CNTNAP4: variants seen among roughly 807,000 people sequenced by gnomAD.
CNTNAP4 encodes the protein contactin associated protein family member 4.
A neutral mutation model predicts 148.4 loss-of-function variants in CNTNAP4; 98 were observed. The ratio of observed to expected loss-of-function variants is 0.66; its 90% CI spans 0.56 to 0.78. The LOEUF is 0.78. CNTNAP4 is among the 30% of genes least tolerant of loss of function. The pLI, the probability that CNTNAP4 is intolerant of heterozygous loss-of-function variation, is 0.00. For missense variants in CNTNAP4, 1,935 were observed against 1,565.6 expected (o/e 1.24, Z -3.98); for synonymous variants, 730 against 565.1 (o/e 1.29, Z -4.14).
At chr16:76,541,751 A>G (rs939517079) in intron 21 of CNTNAP4, among the ~76,000 whole-genome samples, 8 of 152,236 alleles carry the variant, frequency 5.3e-5, no homozygotes, top group South Asian at 4.1e-4. Context: ...ATAAATATTT[A>G]CAGGCTTTCA....
intron 1 of CNTNAP4, among the ~76,000 whole-genome samples, chr16:76,296,200 T>A (rs900687710): frequency 4.6e-5 from 7 of 152,238 alleles, no homozygotes; most frequent in Non-Finnish European, 1.0e-4. Flanking sequence ...TGCATTTTAA[T>A]GAAATATTTT....
At chr16:76,528,320 G>A (rs932572565) in intron 17 of CNTNAP4, among the ~76,000 whole-genome samples, 1 of 152,116 alleles carries the variant, frequency 6.6e-6, no homozygotes, top group African/African-American at 2.4e-5. Flanking sequence ...GAGTACAGTG[G>A]TGTGGTGCAA....
At chr16:76,395,334 T>G (rs2078161667) in intron 3 of CNTNAP4, among the ~76,000 whole-genome samples, 2 of 152,024 alleles carry the variant, frequency 1.3e-5, no homozygotes, top group African/African-American at 4.8e-5. Context: ...GGCGCAATCT[T>G]GGCTCATTGC....
At chr16:76,379,381 A>T (rs572982304) in intron 3 of CNTNAP4, among the ~76,000 whole-genome samples, 55 of 152,308 alleles carry the variant, frequency 3.6e-4, no homozygotes, top group African/African-American at 1.3e-3. Context: ...CATTCTATTT[A>T]TAATTTTTCA....
chr16:76,554,087 C>G (rs1415221796), intron 23 of CNTNAP4, among the ~76,000 whole-genome samples, 180 bp downstream of exon 23: 2 of 152,196 alleles, frequency 1.3e-5, no homozygotes, highest in African/African-American at 2.4e-5. Flanking sequence ...TTTCTGAATT[C>G]TCTGCTTCCT....
intron 10 of CNTNAP4, among the ~76,000 whole-genome samples, chr16:76,471,642 C>T (rs558694171): frequency 1.3e-5 from 2 of 152,212 alleles, no homozygotes; most frequent in East Asian, 3.9e-4. Context: ...ACCTGCCTAC[C>T]TTCCCTCCCC....
chr16:76,531,623 C>G (rs958188622), intron 17 of CNTNAP4, among the ~76,000 whole-genome samples: 1 of 152,104 alleles, frequency 6.6e-6, no homozygotes, highest in African/African-American at 2.4e-5. Flanking sequence ...ATCAATTAAC[C>G]AAACTGCAAC....
In CNTNAP4 at chr16:76,489,717, C is replaced by T. The variant is rs761959058; in HGVS notation, c.1914C>T (p.Gly638=). The change falls in exon 13 of 24, where the codon GGC becomes GGT. Residue 638 remains glycine (G), a synonymous_variant. Coordinates refer to ENST00000611870, the MANE Select transcript of CNTNAP4 (RefSeq NM_033401.5). ...ETAWTIIQHN[G]SDLTRVRNTN... ...CATGGACCATCATACAGCACAACGG[C>T]TCTGACTTAACAAGAGTCAGAAATA... is the stretch of plus-strand genomic sequence containing the variant. The T allele has an allele frequency of 2.5e-6, 4 of 1,603,608 alleles. No homozygotes were observed. In the African/African-American group the frequency reaches 4.0e-5, roughly 16 times the overall value.
intron 3 of CNTNAP4, among the ~76,000 whole-genome samples, chr16:76,423,699 C>T (rs7204854): frequency 0.75 from 113,601 of 151,986 alleles, 43,644 homozygotes; most frequent in Non-Finnish European, 0.84. Context: ...AAATTTCCAT[C>T]AAATATTAAA....
intron 4 of CNTNAP4, among the ~76,000 whole-genome samples, chr16:76,434,225 T>TAGTTATTA (rs1490197332): frequency 1.2e-4 from 18 of 151,770 alleles, no homozygotes; most frequent in African/African-American, 4.1e-4. Context: ...TTAAGTATTA[T>TAGTTATTA]CGTTAAGTAG....
At chr16:76,449,040 C>A (rs181897437) in intron 6 of CNTNAP4, 89 bp downstream of exon 6, 2 of 1,218,688 alleles carry the variant, frequency 1.6e-6, no homozygotes, top group Admixed American at 2.2e-5. Context: ...AAGAGCCCAC[C>A]TTTTCAGTAA....
intron 10 of CNTNAP4, among the ~76,000 whole-genome samples, chr16:76,467,858 G>C (rs2081232764): frequency 6.6e-6 from 1 of 152,136 alleles, no homozygotes; most frequent in Non-Finnish European, 1.5e-5. Context: ...TAAGGCACTT[G>C]AACAGTAAAA....
intron 17 of CNTNAP4, among the ~76,000 whole-genome samples, chr16:76,523,823 C>T (rs1338191436): frequency 1.3e-5 from 2 of 151,932 alleles, no homozygotes; most frequent in East Asian, 1.9e-4. Context: ...TCCCAGCGTT[C>T]AAGAAGCTGA....
At chr16:76,492,824 C>T (rs534058318) in intron 13 of CNTNAP4, among the ~76,000 whole-genome samples, 36 of 152,140 alleles carry the variant, frequency 2.4e-4, no homozygotes, top group Non-Finnish European at 4.3e-4. Flanking sequence ...TCCATCAAAC[C>T]TCTTTTCTTT....
chr16:76,440,142 C>T (rs1035260760), intron 4 of CNTNAP4, among the ~76,000 whole-genome samples: 5 of 152,124 alleles, frequency 3.3e-5, no homozygotes, highest in Admixed American at 1.3e-4. Context: ...GGTCTATACC[C>T]CTTTCCAGTT....
intron 1 of CNTNAP4, among the ~76,000 whole-genome samples, chr16:76,282,882 T>C (rs570327511): frequency 1.3e-5 from 2 of 152,032 alleles, no homozygotes; most frequent in South Asian, 2.1e-4. Flanking sequence ...CAGTTTTTTT[T>C]CAAAACAAAT....
chr16:76,547,068 G>A (rs1218840647), intron 21 of CNTNAP4, among the ~76,000 whole-genome samples: 1 of 152,146 alleles, frequency 6.6e-6, no homozygotes, highest in African/African-American at 2.4e-5. Flanking sequence ...CTGATGTCAT[G>A]TCTAAGTACT....
At chr16:76,348,582 G>C (rs567077260) in intron 2 of CNTNAP4, among the ~76,000 whole-genome samples, 1 of 152,136 alleles carries the variant, frequency 6.6e-6, no homozygotes, top group African/African-American at 2.4e-5. Context: ...TTAAGAGAAG[G>C]TGCTTTTGTG....
At chr16:76,320,966 G>A (rs1006114644) in intron 2 of CNTNAP4, among the ~76,000 whole-genome samples, 2 of 152,114 alleles carry the variant, frequency 1.3e-5, no homozygotes, top group African/African-American at 4.8e-5. Flanking sequence ...TATAAAAGAT[G>A]GTTTCCATAG....
Sources: gnomAD v4.1 joint callset for allele counts (sites outside exome capture counted in the v4.1 genomes callset) on GRCh38, gnomAD v4.1.1 for gene constraint, MANE v1.5 for transcripts, NCBI Gene and HGNC (gene_info 2026-07-23, HGNC 2026-07-21) for gene names.